The following SYT14 variants were observed in gnomAD, a reference collection of about 807,000 sequenced individuals.
SYT14 encodes the protein synaptotagmin-14.
SYT14 carries 32 observed loss-of-function variants against 74.2 expected under a neutral mutation model. The ratio of observed to expected loss-of-function variants is 0.43; its 90% confidence interval spans 0.33 to 0.58. The LOEUF is 0.58. Ranked by LOEUF, SYT14 falls within the 20% of genes least tolerant of loss-of-function variation. The pLI is 0.05. For missense variants in SYT14, 791 were observed against 981.8 expected (o/e 0.81, Z 2.60); for synonymous variants, 298 against 337.7 (o/e 0.88, Z 1.29).
intron 1 of SYT14, among the ~76,000 whole-genome samples, chr1:209,946,180 A>G (rs974951779): frequency 4.6e-5 from 7 of 152,168 alleles, no homozygotes; most frequent in Non-Finnish European, 1.0e-4. Context: ...AGGCTTCCCT[A>G]TTCCCTGAGA....
exon 4 of SYT14, chr1:210,016,572 A>C: frequency 2.4e-6 from 3 of 1,232,008 alleles, no homozygotes; most frequent in Non-Finnish European, 2.0e-6. Context: ...AATGATTTAA[A>C]GGAGGTAGGA....
chr1:210,015,472 G>A (rs2080163850), intron 3 of SYT14, among the ~76,000 whole-genome samples: 1 of 152,066 alleles, frequency 6.6e-6, no homozygotes, highest in African/African-American at 2.4e-5. Context: ...ACAATGCCTT[G>A]CATATAGTAG....
chr1:210,010,109 C>T (rs779032389), intron 2 of SYT14, among the ~76,000 whole-genome samples: 15 of 152,224 alleles, frequency 9.9e-5, no homozygotes, highest in South Asian at 2.1e-4. Context: ...TATTGACTTG[C>T]TACCATATTT....
intron 1 of SYT14, among the ~76,000 whole-genome samples, chr1:209,946,766 G>A (rs562930306): frequency 3.9e-5 from 6 of 152,206 alleles, no homozygotes; most frequent in Non-Finnish European, 7.3e-5. Context: ...AGGTGAAACA[G>A]CCTGTTAGAA....
chr1:210,067,683 C>A (rs1293017928), intron 5 of SYT14, among the ~76,000 whole-genome samples: 1 of 151,842 alleles, frequency 6.6e-6, no homozygotes, highest in African/African-American at 2.4e-5. Flanking sequence ...TCTTACTGAT[C>A]TTTTATGTCC....
intron 4 of SYT14, among the ~76,000 whole-genome samples, chr1:210,017,984 G>A (rs903650272): frequency 1.3e-5 from 2 of 152,144 alleles, no homozygotes; most frequent in Non-Finnish European, 2.9e-5. Flanking sequence ...GTTCTGCTAC[G>A]ACTACATACA....
chr1:210,073,298 G>C (rs1252333760), intron 5 of SYT14, among the ~76,000 whole-genome samples: 2 of 151,836 alleles, frequency 1.3e-5, no homozygotes, highest in Non-Finnish European at 2.9e-5. Context: ...TGAATAACAA[G>C]AAAACAAAGC....
chr1:209,985,662 T>C (rs2079558533), intron 2 of SYT14, among the ~76,000 whole-genome samples: 1 of 152,262 alleles, frequency 6.6e-6, no homozygotes, highest in Admixed American at 6.5e-5. Context: ...CCCTCTGCAC[T>C]GCTCTAGTAG....
chr1:209,947,284 G>C (rs2078838240), intron 1 of SYT14, among the ~76,000 whole-genome samples: 1 of 152,200 alleles, frequency 6.6e-6, no homozygotes, highest in African/African-American at 2.4e-5. Flanking sequence ...CATAGATAGT[G>C]ATTCCTTTGA....
chr1:210,017,168 C>T (rs1361216077), intron 4 of SYT14: 5 of 1,094,996 alleles, frequency 4.6e-6, no homozygotes, highest in Non-Finnish European at 1.2e-6. Context: ...AGTAAAACAT[C>T]ATCCAAATTT....
At chr1:210,118,058 G>A (rs2082393046) in intron 7 of SYT14, among the ~76,000 whole-genome samples, 1 of 152,108 alleles carries the variant, frequency 6.6e-6, no homozygotes, top group Non-Finnish European at 1.5e-5. Flanking sequence ...TTTATTTTAA[G>A]CAATTTATTT....
At chr1:210,040,217 A>C (rs1056272887) in intron 5 of SYT14, among the ~76,000 whole-genome samples, 6 of 152,164 alleles carry the variant, frequency 3.9e-5, no homozygotes, top group African/African-American at 1.4e-4. Flanking sequence ...TGTCCTTTGC[A>C]GGGACATGGA....
chr1:210,146,132 G>A (rs1443285073), intron 7 of SYT14, among the ~76,000 whole-genome samples: 1 of 152,130 alleles, frequency 6.6e-6, no homozygotes. Context: ...GAGGTCAGGA[G>A]TTCAAGACCA....
At chr1:210,032,121 T>TC (rs754931275) in intron 5 of SYT14, among the ~76,000 whole-genome samples, 64 of 152,158 alleles carry the variant, frequency 4.2e-4, no homozygotes, top group South Asian at 1.0e-3. Flanking sequence ...GATTTTTTTT[T>TC]CACAGAGAAG....
chr1:210,155,974 G>C, intron 8 of SYT14, 64 bp downstream of exon 7: 1 of 1,411,264 alleles, frequency 7.1e-7, no homozygotes, highest in Non-Finnish European at 9.9e-7. Context: ...TCAGTATTAG[G>C]GAGTTCAATC....
intron 2 of SYT14, among the ~76,000 whole-genome samples, chr1:210,011,942 G>C (rs925383907): frequency 3.9e-5 from 6 of 152,102 alleles, no homozygotes; most frequent in Non-Finnish European, 8.8e-5. Context: ...TAAAAAAGTT[G>C]AAAGAGAGAC....
intron 5 of SYT14, among the ~76,000 whole-genome samples, chr1:210,084,361 G>T (rs969408621): frequency 7.9e-5 from 12 of 152,168 alleles, no homozygotes; most frequent in Admixed American, 2.6e-4. Context: ...ACTTTGGGAG[G>T]AATATTCTTA....
intron 5 of SYT14, among the ~76,000 whole-genome samples, chr1:210,056,399 A>G: frequency 6.6e-6 from 1 of 152,086 alleles, no homozygotes; most frequent in East Asian, 1.9e-4. Flanking sequence ...GGTTTGTTCT[A>G]GGAGTAAGAT....
intron 5 of SYT14, among the ~76,000 whole-genome samples, chr1:210,026,605 TAC>T (rs368072216): frequency 0.076 from 10,505 of 138,192 alleles, 580 homozygotes; most frequent in African/African-American, 0.16. Flanking sequence ...GTATATAGCT[TAC>T]ACACACACAC....
Sources: gnomAD v4.1 joint callset for allele counts (sites outside exome capture counted in the v4.1 genomes callset) on GRCh38, gnomAD v4.1.1 for gene constraint, MANE v1.5 for transcripts, NCBI Gene and HGNC (gene_info 2026-07-23, HGNC 2026-07-21) for gene names.